VPS13B: variants seen among roughly 807,000 people sequenced by gnomAD.
The protein encoded by VPS13B is intermembrane lipid transfer protein VPS13B.
Under a neutral mutation model 426.4 loss-of-function variants are expected in VPS13B, and 285 were observed. That is an observed-to-expected ratio of 0.67 (90% CI 0.61 to 0.74). The LOEUF is 0.74. Ranked by LOEUF, VPS13B falls within the 30% of genes least tolerant of loss-of-function variation. The probability of loss-of-function intolerance (pLI) is 0.00; values close to 1 mark genes in which losing one functional copy is unlikely to be tolerated. For synonymous variants in VPS13B, 1,676 were observed against 1,676.4 expected, an observed-to-expected ratio of 1.00 and a Z score of 0.01; for missense variants, 4,537 against 4,782.6, an observed-to-expected ratio of 0.95 and a Z score of 1.51.
chr8:99,263,642 C>G (rs1178438221), intron 17 of VPS13B, among the ~76,000 whole-genome samples: 1 of 152,172 alleles, frequency 6.6e-6, no homozygotes, highest in Non-Finnish European at 1.5e-5. Context: ...GTCATCACAT[C>G]TCTTTCTCTG....
At chr8:99,082,499 GC>G (rs1458032118) in intron 3 of VPS13B, among the ~76,000 whole-genome samples, 1 of 152,248 alleles carries the variant, frequency 6.6e-6, no homozygotes, top group Non-Finnish European at 1.5e-5. Flanking sequence ...GGCTTTTGTT[GC>G]CATTGCTTTT....
chr8:99,471,539 T>C (rs1269006184), intron 24 of VPS13B, among the ~76,000 whole-genome samples: 2 of 151,702 alleles, frequency 1.3e-5, no homozygotes, highest in Non-Finnish European at 2.9e-5. Context: ...AAAAAGTCAA[T>C]AGAGAAATTA....
At chr8:99,539,045 C>A (rs1247906508) in intron 30 of VPS13B, among the ~76,000 whole-genome samples, 2 of 152,068 alleles carry the variant, frequency 1.3e-5, no homozygotes, top group African/African-American at 4.8e-5. Flanking sequence ...AAGTATTTCA[C>A]CAGTTTTATA....
chr8:99,863,952 C>T (rs1205760209), intron 58 of VPS13B, among the ~76,000 whole-genome samples: 1 of 152,186 alleles, frequency 6.6e-6, no homozygotes, highest in Non-Finnish European at 1.5e-5. Flanking sequence ...GCAGTGTGTC[C>T]ATGTCTTGAC....
intron 39 of VPS13B, among the ~76,000 whole-genome samples, chr8:99,721,406 C>T (rs1833127163): frequency 6.6e-6 from 1 of 152,118 alleles, no homozygotes; most frequent in Non-Finnish European, 1.5e-5. Flanking sequence ...CCCCATGAAA[C>T]AAAATATGCC....
chr8:99,716,947 C>A (rs1832949456), intron 36 of VPS13B, among the ~76,000 whole-genome samples: 1 of 152,088 alleles, frequency 6.6e-6, no homozygotes, highest in South Asian at 2.1e-4. Context: ...TGGAAAAAGT[C>A]ATAATGTTTT....
At chr8:99,588,272 T>G (rs1012179270) in intron 33 of VPS13B, among the ~76,000 whole-genome samples, 3 of 151,810 alleles carry the variant, frequency 2.0e-5, no homozygotes, top group Non-Finnish European at 4.4e-5. Flanking sequence ...GCTTTGTTCT[T>G]TTTGCTTAGG....
chr8:99,280,338 C>T lies in VPS13B; in HGVS notation c.2824+5084C>T, dbSNP rs184335041. On this transcript the variant is annotated intron_variant, in intron 19 of 61. Coordinates refer to ENST00000357162, the MANE Select transcript of VPS13B (RefSeq NM_152564.5). ...CTTTTCCCTACTCCCTCCCAAGCCACTCAATTTAATTAAGTACCTCTCTTA... is the reference window on the plus strand; with the variant it reads ...CTTTTCCCTACTCCCTCCCAAGCCATTCAATTTAATTAAGTACCTCTCTTA... Among the ~76,000 whole-genome samples, 4 of 152,268 alleles carry T rather than the reference C, an allele frequency of 2.6e-5. 1 individual carries two copies. Among genetic ancestry groups the T allele is most frequent in the Admixed American group, 2.6e-4 (4 of 15,292 alleles).
intron 19 of VPS13B, among the ~76,000 whole-genome samples, chr8:99,328,549 T>A (rs1290415828): frequency 6.6e-6 from 1 of 152,106 alleles, no homozygotes; most frequent in African/African-American, 2.4e-5. Flanking sequence ...GATATAGGTG[T>A]CTTGTAGGAG....
intron 19 of VPS13B, among the ~76,000 whole-genome samples, chr8:99,376,992 G>T (rs1006015051): frequency 6.6e-6 from 1 of 151,780 alleles, no homozygotes; most frequent in South Asian, 2.1e-4. Flanking sequence ...TGTAAGTATT[G>T]AATTAAAATT....
intron 50 of VPS13B, among the ~76,000 whole-genome samples, chr8:99,823,392 A>C (rs1173468312): frequency 1.3e-5 from 2 of 152,206 alleles, no homozygotes; most frequent in African/African-American, 4.8e-5. Flanking sequence ...TGAAGTTCTC[A>C]GAACTCTCCT....
intron 19 of VPS13B, among the ~76,000 whole-genome samples, chr8:99,315,037 A>G (rs190674188): frequency 1.3e-5 from 2 of 152,302 alleles, no homozygotes; most frequent in East Asian, 3.9e-4. Context: ...TCGGCAGCAT[A>G]TAGTTAGATC....
intron 19 of VPS13B, among the ~76,000 whole-genome samples, chr8:99,323,150 T>C (rs1264516231): frequency 1.3e-5 from 2 of 152,218 alleles, no homozygotes; most frequent in Non-Finnish European, 2.9e-5. Flanking sequence ...ATGTGTTTAA[T>C]AGATACGTGT....
At chr8:99,756,604 C>T (rs1810653192) in intron 39 of VPS13B, among the ~76,000 whole-genome samples, 1 of 152,054 alleles carries the variant, frequency 6.6e-6, no homozygotes, top group Admixed American at 6.6e-5. Context: ...TAACTCATCA[C>T]ATATAAGGGA....
intron 47 of VPS13B, 152 bp downstream of exon 47, chr8:99,819,040 T>A: frequency 1.2e-6 from 1 of 845,456 alleles, no homozygotes; most frequent in African/African-American, 1.7e-5. Context: ...ATGAGAATGT[T>A]ATTTTAAAAT....
At chr8:99,637,000 G>A (rs1829097644) in intron 33 of VPS13B, among the ~76,000 whole-genome samples, 1 of 152,006 alleles carries the variant, frequency 6.6e-6, no homozygotes, top group South Asian at 2.1e-4. Context: ...TAAAGAGTGG[G>A]AGAGCTGATG....
intron 57 of VPS13B, 58 bp downstream of exon 57, chr8:99,859,538 T>TA (rs1383278156): frequency 3.5e-6 from 5 of 1,448,688 alleles, no homozygotes; most frequent in Admixed American, 1.8e-5. Flanking sequence ...TTTTTTTTTT[T>TA]AAAGAATGTG....
chr8:99,052,458 T>C (rs1243172492), intron 3 of VPS13B, among the ~76,000 whole-genome samples: 2 of 103,322 alleles, frequency 1.9e-5, no homozygotes, highest in Non-Finnish European at 4.1e-5. Context: ...GATTTTTGCA[T>C]AGATGTTCAT....
chr8:99,583,794 A>G (rs1302436078), intron 33 of VPS13B, among the ~76,000 whole-genome samples: 1 of 152,180 alleles, frequency 6.6e-6, no homozygotes, highest in Non-Finnish European at 1.5e-5. Context: ...ACCAAAATGC[A>G]TGTGGGTAAA....
Sources: gnomAD v4.1 joint callset for allele counts (sites outside exome capture counted in the v4.1 genomes callset) on GRCh38, gnomAD v4.1.1 for gene constraint, MANE v1.5 for transcripts, NCBI Gene and HGNC (gene_info 2026-07-23, HGNC 2026-07-21) for gene names.